EPB41L3: variants seen among roughly 807,000 people sequenced by gnomAD.
The protein encoded by EPB41L3 is erythrocyte membrane protein band 4.1 like 3.
A neutral mutation model predicts 127.1 loss-of-function variants in EPB41L3; 57 were observed. The observed-to-expected ratio is 0.45, with a 90% CI of 0.36 to 0.56. EPB41L3 has a LOEUF of 0.56. Ranked by LOEUF, EPB41L3 falls within the 20% of genes least tolerant of loss-of-function variation. The pLI, the probability that EPB41L3 is intolerant of heterozygous loss-of-function variation, is 0.00. For missense variants in EPB41L3, 1,273 were observed against 1,372.2 expected, an observed-to-expected ratio of 0.93 and a Z score of 1.14; for synonymous variants, 572 against 549.5, an observed-to-expected ratio of 1.04 and a Z score of -0.57.
intron 3 of EPB41L3, among the ~76,000 whole-genome samples, chr18:5,454,500 T>C (rs1164090574): frequency 6.6e-6 from 1 of 152,168 alleles, no homozygotes; most frequent in Non-Finnish European, 1.5e-5. Context: ...CAGGACTTAA[T>C]GGGATCTTTC....
intron 3 of EPB41L3, among the ~76,000 whole-genome samples, chr18:5,583,203 G>T (rs551762327): frequency 6.6e-6 from 1 of 152,108 alleles, no homozygotes; most frequent in African/African-American, 2.4e-5. Context: ...TGTCCCTACC[G>T]CCCGCCAGAT....
rs925313296 is a variant in EPB41L3, at chr18:5,540,611, G to A, written c.-12+3302C>T. The A allele has an allele frequency of 8.5e-6, 8 of 942,854 alleles. No individual in the cohort carries two copies. The African/African-American group carries it at 1.4e-4, about 17-fold the overall frequency. 58.4% of individuals were successfully genotyped at this position (942,854 alleles called of 1,614,324 possible). A position where few individuals can be genotyped will look rare whatever the true frequency, so the allele number is the denominator to read the frequency against. ...TGAATTCCCAACAAATCAGCAGCTA[G>A]CTAGCCGTTTGAAAGAAATAGATGC... On this transcript the variant is annotated intron_variant, in intron 1 of 22. Transcript: ENST00000341928.
At chr18:5,567,037 A>T (rs1408801908) in intron 3 of EPB41L3, 5 of 152,192 alleles carry the variant, frequency 3.3e-5, no homozygotes, top group African/African-American at 1.2e-4. Context: ...AACTCCTGAC[A>T]TCAAGTGATC....
chr18:5,572,938 G>A lies in EPB41L3; in HGVS notation c.-306+39402C>T, dbSNP rs1399597020. Among the ~76,000 whole-genome samples the A allele has an allele frequency of 2.0e-5, 3 of 152,150 alleles. No homozygotes were observed. In the South Asian group the frequency reaches 6.2e-4, roughly 32 times the overall value. ...CCATGCCCTCTCCCCACTTCTTGCT[G>A]CTGAGAGCCCTGGTATTTAGAGAGA... On this transcript the variant is annotated intron_variant, in intron 3 of 21. Coordinates refer to the EPB41L3 transcript ENST00000545076.
At chr18:5,468,377 T>C (rs920537212) in intron 3 of EPB41L3, among the ~76,000 whole-genome samples, 3 of 151,860 alleles carry the variant, frequency 2.0e-5, no homozygotes, top group Non-Finnish European at 2.9e-5. Flanking sequence ...CCAGGTGGAG[T>C]CCGCGGCCCC....
At chr18:5,407,842 C>T in intron 14 of EPB41L3, 106 bp from the exon 15 acceptor site, 1 of 925,364 alleles carries the variant, frequency 1.1e-6, no homozygotes. Flanking sequence ...CACGTGTACG[C>T]TCTTGCATAT....
chr18:5,539,172 C>A (rs577815785), intron 1 of EPB41L3, among the ~76,000 whole-genome samples: 1 of 152,008 alleles, frequency 6.6e-6, no homozygotes, highest in African/African-American at 2.4e-5. Context: ...CCCAATATAA[C>A]TGGAGAGAAA....
chr18:5,418,147 A>C (rs768462889), intron 12 of EPB41L3, among the ~76,000 whole-genome samples: 3 of 152,190 alleles, frequency 2.0e-5, no homozygotes, highest in Non-Finnish European at 4.4e-5. Context: ...AAGCCAGCCC[A>C]CACCTATATG....
At chr18:5,481,321 C>A (rs549587107) in intron 2 of EPB41L3, among the ~76,000 whole-genome samples, 1 of 152,092 alleles carries the variant, frequency 6.6e-6, no homozygotes, top group Non-Finnish European at 1.5e-5. Flanking sequence ...AATATGAGGA[C>A]GAGACAGATC....
intron 3 of EPB41L3, chr18:5,570,869 T>C (rs2094270600): frequency 6.6e-6 from 1 of 152,232 alleles, no homozygotes; most frequent in Non-Finnish European, 1.5e-5. Context: ...ACTAAAGTCA[T>C]TATGGAAAGC....
intron 16 of EPB41L3, chr18:5,398,868 T>C (rs2074032083): frequency 2.5e-6 from 1 of 399,266 alleles, no homozygotes; most frequent in Non-Finnish European, 4.4e-6. Context: ...TGGAGCCTTC[T>C]TGAGGTCATC....
rs755361516 is a variant in EPB41L3 at position 5,489,088 on chromosome 18, G to C, written c.96C>G (p.Pro32=). ...AAGAQGRAGA[P]VPEPPKEEQQ... ...GCTCCTCCTTGGGCGGCTCCGGCAC[G>C]GGCGCCCCCGCGCGCCCCTGCGCCC... Residue 32 remains proline, a synonymous_variant, in exon 2 of 23, where the codon CCC becomes CCG. Coordinates refer to ENST00000341928, the MANE Select transcript of EPB41L3 (RefSeq NM_012307.5). 39 of 1,593,938 alleles carry C rather than the reference G, an allele frequency of 2.4e-5. No individual in the cohort carries two copies. The highest frequency in any genetic ancestry group is 3.3e-5 in the Non-Finnish European group (39 of 1,174,132).
chr18:5,491,034 T>A (rs2090534184), intron 1 of EPB41L3, among the ~76,000 whole-genome samples: 1 of 152,238 alleles, frequency 6.6e-6, no homozygotes, highest in South Asian at 2.1e-4. Flanking sequence ...TAACTAAGCT[T>A]TCAGATCTAG....
intron 9 of EPB41L3, among the ~76,000 whole-genome samples, chr18:5,428,055 G>A (rs1453374103): frequency 6.6e-6 from 1 of 152,018 alleles, no homozygotes; most frequent in Non-Finnish European, 1.5e-5. Flanking sequence ...GCACCCGGCC[G>A]AGACTGGATT....
chr18:5,481,619 G>A (rs1046605775), intron 2 of EPB41L3, among the ~76,000 whole-genome samples: 10 of 152,148 alleles, frequency 6.6e-5, no homozygotes, highest in African/African-American at 9.7e-5. Flanking sequence ...AGAAAAAGCC[G>A]GGAGATGGGA....
At chr18:5,572,229 A>G (rs79596496) in intron 3 of EPB41L3, among the ~76,000 whole-genome samples, 6,174 of 152,268 alleles carry the variant, frequency 0.041, 339 homozygotes, top group African/African-American at 0.12. Flanking sequence ...CAGATATTTC[A>G]TATCTTCACG....
chr18:5,460,297 C>T (rs2083770133), intron 3 of EPB41L3, among the ~76,000 whole-genome samples: 1 of 152,102 alleles, frequency 6.6e-6, no homozygotes, highest in Admixed American at 6.5e-5. Context: ...AGGGTGATGT[C>T]TGGGAAACAG....
At position 5,397,273 on chromosome 18, in the gene EPB41L3, C is replaced by T; in HGVS notation, c.2626G>A (p.Asp876Asn). 6.2e-7 allele frequency: 1 copy of T among 1,614,088 alleles called. No individual in the cohort carries two copies. Among genetic ancestry groups the T allele is most frequent in the Non-Finnish European group, 8.5e-7 (1 of 1,180,028 alleles). ...GGCTGTGCTGCAGCATCCCCGCTGT[C>T]TCCCGCCGAGTAAGAAGCATCCCCA... ...ASGDASYSAG[D>N]SGDAAAQPAF... Residue 876 changes from aspartate to asparagine, a missense_variant, in exon 18 of 23, where the codon GAC (aspartate) becomes AAC (asparagine). By Grantham distance (23) the Asp-to-Asn change is conservative. Around this residue, in one of 3 missense-constraint regions of EPB41L3, gnomAD observed 765 missense variants for 782.9 expected, o/e 0.98. Coordinates refer to ENST00000341928, the MANE Select transcript of EPB41L3 (RefSeq NM_012307.5). The surrounding 1 kb of genome is among the most constrained non-coding windows in gnomAD (Gnocchi z 4.1).
At chr18:5,434,791 A>G (rs965794895) in intron 6 of EPB41L3, among the ~76,000 whole-genome samples, 1 of 152,238 alleles carries the variant, frequency 6.6e-6, no homozygotes, top group Non-Finnish European at 1.5e-5. Flanking sequence ...ACTATGCTAT[A>G]CTTTTTATCA....
Sources: allele counts gnomAD v4.1 joint callset (sites outside exome capture counted in the v4.1 genomes callset), GRCh38; gene constraint gnomAD v4.1.1; regional missense constraint gnomAD v4.1.1; non-coding constraint Gnocchi (gnomAD v3.1); transcripts MANE v1.5; gene names NCBI Gene and HGNC (gene_info 2026-07-23, HGNC 2026-07-21).